Variants in MDGA2 observed in about 807,000 individuals in gnomAD.
MDGA2 encodes MAM domain containing glycosylphosphatidylinositol anchor 2.
MDGA2 carries 40 observed loss-of-function variants against 117.8 expected under a neutral mutation model. That is an observed-to-expected ratio of 0.34 (90% CI 0.26 to 0.44). The LOEUF (loss-of-function observed/expected upper bound fraction) is 0.44. MDGA2 is among the 20% of genes least tolerant of loss of function. MDGA2 has a pLI of 1.00. For missense variants in MDGA2, 1,123 were observed against 1,250.6 expected (o/e 0.90, Z 1.54); for synonymous variants, 452 against 439.0 (o/e 1.03, Z -0.37).
At chr14:47,463,685 C>A (rs1269105789) in intron 1 of MDGA2, among the ~76,000 whole-genome samples, 1 of 152,134 alleles carries the variant, frequency 6.6e-6, no homozygotes, top group Non-Finnish European at 1.5e-5. Flanking sequence ...CTTCTGGGAA[C>A]AGGGTCATAT....
intron 1 of MDGA2, among the ~76,000 whole-genome samples, chr14:47,506,599 G>A (rs1450882083): frequency 6.6e-6 from 1 of 152,206 alleles, no homozygotes; most frequent in Non-Finnish European, 1.5e-5. Context: ...ACCATTCCAG[G>A]CCTGTCCTGT....
At chr14:47,570,311 C>T (rs192395969) in intron 1 of MDGA2, among the ~76,000 whole-genome samples, 1 of 152,124 alleles carries the variant, frequency 6.6e-6, no homozygotes, top group Admixed American at 6.5e-5. Context: ...CTTTCAATGG[C>T]AAAACCAACC....
intron 1 of MDGA2, among the ~76,000 whole-genome samples, chr14:47,321,293 G>C (rs1889972368): frequency 6.6e-6 from 1 of 152,158 alleles, no homozygotes; most frequent in Non-Finnish European, 1.5e-5. Flanking sequence ...AGCTTGGTTG[G>C]TATTTTTCCT....
At chr14:47,532,136 A>G (rs1428277789) in intron 1 of MDGA2, among the ~76,000 whole-genome samples, 1 of 152,222 alleles carries the variant, frequency 6.6e-6, no homozygotes, top group Non-Finnish European at 1.5e-5. Flanking sequence ...TGCATCAAAC[A>G]GCAGTCTTCG....
intron 3 of MDGA2, chr14:47,200,974 G>GGT: frequency 1.2e-6 from 1 of 833,832 alleles, no homozygotes; most frequent in East Asian, 2.4e-5. Flanking sequence ...GAAATTGCCA[G>GGT]AAATGTTGAT....
At chr14:47,085,544 A>C (rs1362812847) in intron 6 of MDGA2, among the ~76,000 whole-genome samples, 1 of 152,108 alleles carries the variant, frequency 6.6e-6, no homozygotes. Flanking sequence ...ATTTCTTTCC[A>C]ACTACAAAAC....
At chr14:47,116,566 T>C (rs927916130) in intron 5 of MDGA2, among the ~76,000 whole-genome samples, 17 of 151,770 alleles carry the variant, frequency 1.1e-4, no homozygotes, top group Admixed American at 5.2e-4. Context: ...GACAGACAAA[T>C]AGACAAATGG....
chr14:46,978,275 C>A (rs1886543581), intron 8 of MDGA2, among the ~76,000 whole-genome samples: 1 of 151,746 alleles, frequency 6.6e-6, no homozygotes, highest in African/African-American at 2.4e-5. Context: ...ATGTTAGGAA[C>A]CATTCATATT....
At chr14:47,375,676 C>T (rs1891462010) in intron 1 of MDGA2, among the ~76,000 whole-genome samples, 1 of 152,050 alleles carries the variant, frequency 6.6e-6, no homozygotes, top group South Asian at 2.1e-4. Context: ...TTTTTAGTTA[C>T]CTCATAAAAC....
At chr14:47,454,191 T>C (rs1324432532) in intron 1 of MDGA2, among the ~76,000 whole-genome samples, 1 of 152,182 alleles carries the variant, frequency 6.6e-6, no homozygotes, top group African/African-American at 2.4e-5. Context: ...TGACACTTCA[T>C]CTCATCCAGG....
chr14:46,939,395 A>T lies in MDGA2; in HGVS notation c.2089+17979T>A, dbSNP rs370057661. 1.2e-3 allele frequency among the ~76,000 whole-genome samples: 178 copies of T among 152,302 alleles called. 1 individual carries two copies. Among genetic ancestry groups the T allele is most frequent in the African/African-American group, 4.1e-3 (171 of 41,560 alleles). On this transcript the variant is annotated intron_variant, in intron 9 of 16. Coordinates refer to ENST00000399232, the MANE Select transcript of MDGA2 (RefSeq NM_001113498.3). The stretch of plus-strand genomic sequence containing the variant: ...CCCATAAATAAGTAAAATTATTATA[A>T]GTCACTTAAAAAGTTTTTAACAAGA...
intron 8 of MDGA2, among the ~76,000 whole-genome samples, chr14:46,969,255 C>G (rs11129024): frequency 2.0e-5 from 3 of 152,068 alleles, no homozygotes; most frequent in Non-Finnish European, 4.4e-5. Flanking sequence ...ATTCCTTTGG[C>G]TATATACCCA....
intron 6 of MDGA2, among the ~76,000 whole-genome samples, chr14:47,063,063 T>G (rs1889950898): frequency 6.6e-6 from 1 of 152,066 alleles, no homozygotes; most frequent in Admixed American, 6.6e-5. Flanking sequence ...TACTGCAGCC[T>G]GCATATTCAT....
intron 5 of MDGA2, among the ~76,000 whole-genome samples, chr14:47,117,757 G>A (rs12432368): frequency 0.15 from 22,796 of 151,990 alleles, 1,830 homozygotes; most frequent in Admixed American, 0.2. Flanking sequence ...TGAGTGAGGA[G>A]GGAAATGAAG....
chr14:47,572,878 T>A (rs1012040658), intron 1 of MDGA2, among the ~76,000 whole-genome samples: 1 of 152,214 alleles, frequency 6.6e-6, no homozygotes, highest in African/African-American at 2.4e-5. Flanking sequence ...AAACTTCATA[T>A]ATGAAACAAA....
chr14:47,007,958 TAAA>T (rs1190638756), intron 8 of MDGA2, among the ~76,000 whole-genome samples: 1 of 151,870 alleles, frequency 6.6e-6, no homozygotes, highest in Non-Finnish European at 1.5e-5. Context: ...ATCGTAATGA[TAAA>T]AATTATTTTG....
At chr14:47,079,032 TG>T (rs1430466089) in intron 6 of MDGA2, among the ~76,000 whole-genome samples, 1 of 140,276 alleles carries the variant, frequency 7.1e-6, no homozygotes, top group Non-Finnish European at 1.5e-5. Flanking sequence ...GTAAGTGAGA[TG>T]AAAAAAAAAA....
intron 1 of MDGA2, among the ~76,000 whole-genome samples, chr14:47,441,024 C>A (rs2138547462): frequency 6.6e-6 from 1 of 152,148 alleles, no homozygotes; most frequent in Middle Eastern, 3.4e-3. Flanking sequence ...AGTGACAGAT[C>A]TGTGCAAAGC....
intron 8 of MDGA2, among the ~76,000 whole-genome samples, chr14:46,968,369 C>A (rs750195738): frequency 2.0e-5 from 3 of 152,086 alleles, no homozygotes; most frequent in Non-Finnish European, 4.4e-5. Flanking sequence ...AAAAATATAA[C>A]CACATAGAAT....
Sources: gnomAD v4.1 joint callset for allele counts (sites outside exome capture counted in the v4.1 genomes callset) on GRCh38, gnomAD v4.1.1 for gene constraint, MANE v1.5 for transcripts, NCBI Gene and HGNC (gene_info 2026-07-23, HGNC 2026-07-21) for gene names.